EDARADD: variants seen among roughly 807,000 people sequenced by gnomAD.
The protein encoded by EDARADD is EDAR associated via death domain, also known as ectodysplasin-A receptor-associated adapter protein.
A neutral mutation model predicts 25.6 loss-of-function variants in EDARADD; 20 were observed. The ratio of observed to expected loss-of-function variants is 0.78; its 90% confidence interval spans 0.55 to 1.14. The LOEUF (loss-of-function observed/expected upper bound fraction) is 1.14. EDARADD is among the 50% of genes most tolerant of loss of function. The pLI, the probability that EDARADD is intolerant of heterozygous loss-of-function variation, is 0.00. For missense variants in EDARADD, 225 were observed against 270.1 expected (o/e 0.83, Z 1.17); for synonymous variants, 86 against 94.4 (o/e 0.91, Z 0.52).
intron 2 of EDARADD, among the ~76,000 whole-genome samples, chr1:236,411,360 T>G (rs1657474553): frequency 6.6e-6 from 1 of 152,092 alleles, no homozygotes; most frequent in Non-Finnish European, 1.5e-5. Context: ...TAGGGAAGAA[T>G]CTTTCCTTGT....
rs372150890 is a variant in EDARADD at position 236,468,199 on chromosome 1, G to A, written c.220-32G>A. ...AATATCTCCATTCACATTTGGATAT[G>A]ATTTTAATGAAGGTTGCTTTTTGGT... On this transcript the variant is annotated intron_variant, in intron 4 of 5. Coordinates refer to ENST00000334232, the MANE Select transcript of EDARADD (RefSeq NM_145861.4). 8.4e-5 allele frequency: 135 copies of A among 1,603,178 alleles called. 1 individual carries two copies. The African/African-American group carries it at 1.7e-3, about 20-fold the overall frequency.
At position 236,482,890 on chromosome 1, in the gene EDARADD, A is replaced by C; in HGVS notation, c.*241A>C. ...CTGGAATTAAGAAAACATATTTTCT[A>C]GTATCCTCTAAGGGCCAAAGTCCTA... On this transcript the variant is annotated 3_prime_UTR_variant, in exon 6 of 6. Transcript: ENST00000334232. The C allele has an allele frequency of 1.6e-6, 1 of 637,980 alleles. No homozygotes were observed. Among genetic ancestry groups the C allele is most frequent in the Non-Finnish European group, 2.7e-6 (1 of 373,314 alleles). 39.5% of individuals were successfully genotyped at this position (637,980 alleles called of 1,614,324 possible).
At chr1:236,409,114 A>AAAAT in intron 1 of EDARADD, 102 bp from the exon 2 acceptor site, 2 of 699,884 alleles carry the variant, frequency 2.9e-6, no homozygotes, top group Admixed American at 5.8e-5. Flanking sequence ...CAGCCTAAGT[A>AAAAT]AAATTACTTG....
chr1:236,421,907 G>A (rs767053598), intron 3 of EDARADD, among the ~76,000 whole-genome samples: 83 of 152,178 alleles, frequency 5.5e-4, no homozygotes, highest in Admixed American at 5.2e-4. Flanking sequence ...TGATGGCTGA[G>A]ACTTCTAGGG....
chr1:236,367,681 C>T (rs1420462919), intron 3 of EDARADD, among the ~76,000 whole-genome samples: 2 of 152,100 alleles, frequency 1.3e-5, no homozygotes, highest in East Asian at 3.8e-4. Flanking sequence ...TTTTTCAAAC[C>T]CTAAAATGAG....
At chr1:236,410,072 C>A (rs1406876435) in intron 2 of EDARADD, among the ~76,000 whole-genome samples, 1 of 152,010 alleles carries the variant, frequency 6.6e-6, no homozygotes, top group Non-Finnish European at 1.5e-5. Context: ...TTTTAAAATT[C>A]ATTTTATGGT....
chr1:236,473,907 T>C (rs1284305143), intron 5 of EDARADD, among the ~76,000 whole-genome samples: 1 of 152,140 alleles, frequency 6.6e-6, no homozygotes, highest in Non-Finnish European at 1.5e-5. Context: ...TAGCTGGGAC[T>C]ATAGGCGTGC....
intron 5 of EDARADD, among the ~76,000 whole-genome samples, chr1:236,475,706 G>A (rs1250326109): frequency 6.6e-6 from 1 of 152,006 alleles, no homozygotes; most frequent in Non-Finnish European, 1.5e-5. Flanking sequence ...GGAGGTTGCA[G>A]TGAGTCGAGA....
intron 1 of EDARADD, among the ~76,000 whole-genome samples, chr1:236,405,883 TTC>T (rs1667719912): frequency 2.7e-5 from 1 of 37,104 alleles, no homozygotes; most frequent in Non-Finnish European, 6.2e-5. Context: ...CCTTCTTTCT[TTC>T]TTTCTTTCTT....
upstream of EDARADD, among the ~76,000 whole-genome samples, chr1:236,393,846 C>T (rs551192170): frequency 6.6e-6 from 1 of 152,118 alleles, no homozygotes; most frequent in South Asian, 2.1e-4. Flanking sequence ...AAGTGCAAAA[C>T]AACAATAGCA....
At chr1:236,433,574 G>C (rs564563836) in intron 4 of EDARADD, among the ~76,000 whole-genome samples, 2 of 151,904 alleles carry the variant, frequency 1.3e-5, no homozygotes, top group Admixed American at 1.3e-4. Context: ...GTCTCCCAAA[G>C]TGTTGGGATT....
chr1:236,385,712 G>A (rs1394162043), intron 3 of EDARADD, among the ~76,000 whole-genome samples: 2 of 111,124 alleles, frequency 1.8e-5, no homozygotes, highest in African/African-American at 3.3e-5. Flanking sequence ...CGACAAGAGC[G>A]AAACTCCATC....
chr1:236,413,540 G>A (rs895577839), intron 2 of EDARADD, among the ~76,000 whole-genome samples: 1 of 152,134 alleles, frequency 6.6e-6, no homozygotes, highest in Non-Finnish European at 1.5e-5. Flanking sequence ...TAGGGGACAG[G>A]GTTGGGAAAT....
chr1:236,451,303 T>C (rs1429191929), intron 4 of EDARADD, among the ~76,000 whole-genome samples: 2 of 152,224 alleles, frequency 1.3e-5, no homozygotes, highest in Non-Finnish European at 2.9e-5. Context: ...AAAATGGACA[T>C]CTTAATACTG....
At chr1:236,438,475 T>C (rs1658319020) in intron 4 of EDARADD, among the ~76,000 whole-genome samples, 1 of 151,960 alleles carries the variant, frequency 6.6e-6, no homozygotes, top group African/African-American at 2.4e-5. Flanking sequence ...AGGGCTGTGG[T>C]GGGTGCCACT....
At chr1:236,477,858 A>G (rs1659554196) in intron 5 of EDARADD, among the ~76,000 whole-genome samples, 1 of 152,104 alleles carries the variant, frequency 6.6e-6, no homozygotes, top group African/African-American at 2.4e-5. Context: ...ATCTCAGCAC[A>G]TTGGGAGGCT....
chr1:236,447,490 C>A (rs1239266987), intron 4 of EDARADD, among the ~76,000 whole-genome samples: 1 of 151,924 alleles, frequency 6.6e-6, no homozygotes, highest in Non-Finnish European at 1.5e-5. Flanking sequence ...GTACCTCTTA[C>A]CCTTCATTTG....
intron 4 of EDARADD, among the ~76,000 whole-genome samples, chr1:236,463,175 T>TA (rs1659084375): frequency 1.3e-5 from 2 of 152,392 alleles, no homozygotes; most frequent in African/African-American, 4.8e-5. Context: ...ATAGTGTTTG[T>TA]ATCGTGTCAC....
chr1:236,432,330 A>G (rs1322121815), intron 4 of EDARADD, among the ~76,000 whole-genome samples: 1 of 151,732 alleles, frequency 6.6e-6, no homozygotes, highest in African/African-American at 2.4e-5. Context: ...CAGAGGTTGC[A>G]GGGAATGGAA....
Sources: allele counts gnomAD v4.1 joint callset (sites outside exome capture counted in the v4.1 genomes callset), GRCh38; gene constraint gnomAD v4.1.1; transcripts MANE v1.5; gene names NCBI Gene and HGNC (gene_info 2026-07-23, HGNC 2026-07-21).